Variants in UGT1A9 observed in about 807,000 individuals in gnomAD.
The protein encoded by UGT1A9 is UDP-glucuronosyltransferase 1A9.
A neutral mutation model predicts 45.0 loss-of-function variants in UGT1A9; 35 were observed. That is an observed-to-expected ratio of 0.78 (90% CI 0.59 to 1.03). The LOEUF (loss-of-function observed/expected upper bound fraction) is 1.03, where lower values mean the gene tolerates loss of function less well. Among genes scored for constraint, UGT1A9 ranks in the 50% least tolerant of loss-of-function variants. The pLI, the probability that UGT1A9 is intolerant of heterozygous loss-of-function variation, is 0.00. For missense variants in UGT1A9, 687 were observed against 666.6 expected, an observed-to-expected ratio of 1.03 and a Z score of -0.34; for synonymous variants, 278 against 250.6, an observed-to-expected ratio of 1.11 and a Z score of -1.03.
At position 233,767,872 on chromosome 2, in the gene UGT1A9, C is replaced by G. The variant is rs997427896; in HGVS notation, c.1011C>G (p.Thr337=). The G allele has an allele frequency of 2.5e-6, 4 of 1,614,024 alleles. No homozygotes were observed. The highest frequency in any genetic ancestry group is 3.4e-6 in the Non-Finnish European group (4 of 1,180,044). ...PQTVLWRYTG[T]RPSNLANNTI... is the part of the protein sequence containing the mutation. The stretch of plus-strand genomic sequence containing the variant: ...AGGTCCTGTGGCGGTACACTGGAAC[C>G]CGACCATCGAATCTTGCGAACAACA... Residue 337 remains threonine (T), a synonymous_variant, in exon 3 of 5, where the codon ACC becomes ACG. Coordinates refer to ENST00000354728, the MANE Select transcript of UGT1A9 (RefSeq NM_021027.3).
rs1384455680 is a variant in UGT1A9, at chr2:233,701,870, TA to T, written c.855+29084del. 2.0e-5 allele frequency among the ~76,000 whole-genome samples: 3 copies of T among 152,182 alleles called. No homozygotes were observed. The East Asian group carries it at 5.8e-4, about 29-fold the overall frequency. ...GTGTGTAGAGGGAAATTTATAGCAC[TA>T]AATGCCCACAAGAGAAAGCAGAAAA... On this transcript the variant is annotated intron_variant, in intron 1 of 4. Coordinates refer to ENST00000354728, the MANE Select transcript of UGT1A9 (RefSeq NM_021027.3).
At chr2:233,712,435 A>T (rs1228007796) in intron 1 of UGT1A9, among the ~76,000 whole-genome samples, 6 of 152,204 alleles carry the variant, frequency 3.9e-5, no homozygotes, top group Admixed American at 3.9e-4. Flanking sequence ...TCCTGGTGTG[A>T]AAAACGACCA....
intron 1 of UGT1A9, among the ~76,000 whole-genome samples, chr2:233,685,748 C>T (rs569511404): frequency 6.6e-6 from 1 of 152,214 alleles, no homozygotes; most frequent in African/African-American, 2.4e-5. Flanking sequence ...TTTTTTCTTC[C>T]ATTTTAAAGA....
At chr2:233,754,258 T>C in intron 1 of UGT1A9, 1 of 170,430 alleles carries the variant, frequency 5.9e-6, no homozygotes, top group Middle Eastern at 2.9e-3. Context: ...CGGAAAAAGG[T>C]AAGGCTCAAA....
At chr2:233,694,023 A>G (rs2075196025) in intron 1 of UGT1A9, among the ~76,000 whole-genome samples, 1 of 152,122 alleles carries the variant, frequency 6.6e-6, no homozygotes, top group African/African-American at 2.4e-5. Context: ...CACATAGGAG[A>G]CCTGAGGCTG....
intron 1 of UGT1A9, chr2:233,754,389 C>A: frequency 3.3e-6 from 1 of 302,106 alleles, no homozygotes; most frequent in Non-Finnish European, 6.5e-6. Context: ...AAACAGAGGT[C>A]CTATCCGTGC....
intron 4 of UGT1A9, chr2:233,770,332 T>C (rs1040470973): frequency 6.6e-6 from 1 of 152,102 alleles, no homozygotes; most frequent in Non-Finnish European, 1.5e-5. Context: ...CAGGCCATAA[T>C]AGGTGCTCAA....
In UGT1A9 at chr2:233,713,469, G is replaced by A. The variant is rs755500428; in HGVS notation, c.855+40680G>A. The A allele has an allele frequency of 2.5e-6, 4 of 1,614,076 alleles. No homozygotes were observed. The South Asian group carries it at 4.4e-5, about 18-fold the overall frequency. ...AGACCCCTTTCACCTCTGCGCGGCG[G>A]TGCTGGCTAAGTACCTGTCGATTCC... On this transcript the variant is annotated intron_variant, in intron 1 of 4. Transcript: ENST00000354728.
intron 1 of UGT1A9, among the ~76,000 whole-genome samples, chr2:233,712,244 G>T (rs184398589): frequency 2.0e-5 from 3 of 152,178 alleles, no homozygotes; most frequent in African/African-American, 7.2e-5. Context: ...TCTTTGCTAG[G>T]GTTGTCTTGC....
chr2:233,691,064 A>G, intron 1 of UGT1A9: 1 of 986,774 alleles, frequency 1.0e-6, no homozygotes, highest in Non-Finnish European at 1.2e-6. Context: ...GGTCTAGTAT[A>G]AAGAATGTGA....
Position 233,772,664 on chromosome 2 carries a change from C to G in UGT1A9, c.*105C>G, listed in dbSNP as rs1700540961. 1.9e-6 allele frequency: 3 copies of G among 1,539,532 alleles called. No individual in the cohort carries two copies. Among genetic ancestry groups the G allele is most frequent in the Non-Finnish European group, 2.6e-6 (3 of 1,144,204 alleles). ...TCATTTTATTCTTATTAAGGAAATA[C>G]TTTGCATAAATTAATCAGCCCCAGA... On this transcript the variant is annotated 3_prime_UTR_variant, in exon 5 of 5. Coordinates refer to ENST00000354728, the MANE Select transcript of UGT1A9 (RefSeq NM_021027.3).
intron 1 of UGT1A9, chr2:233,690,684 C>T (rs1252094224): frequency 1.9e-4 from 244 of 1,255,336 alleles, no homozygotes; most frequent in Non-Finnish European, 2.2e-4. Flanking sequence ...GGGTCTCCAG[C>T]GGAGCTACTC....
At chr2:233,715,882 C>G (rs576558461) in intron 1 of UGT1A9, among the ~76,000 whole-genome samples, 42 of 152,296 alleles carry the variant, frequency 2.8e-4, no homozygotes, top group African/African-American at 9.9e-4. Flanking sequence ...CCTGTGGCCC[C>G]AGCTACTTGG....
chr2:233,755,755 T>A (rs1696010342), intron 1 of UGT1A9: 1 of 152,982 alleles, frequency 6.5e-6, no homozygotes, highest in East Asian at 1.9e-4. Context: ...GGTGCCCATT[T>A]GCTTTTGTTC....
intron 1 of UGT1A9, chr2:233,719,816 T>A: frequency 6.3e-7 from 1 of 1,580,710 alleles, no homozygotes; most frequent in Non-Finnish European, 8.6e-7. Context: ...TTATAACAGA[T>A]AAACTGTTGA....
chr2:233,708,133 G>A (rs2076005675), intron 1 of UGT1A9, among the ~76,000 whole-genome samples: 1 of 152,218 alleles, frequency 6.6e-6, no homozygotes, highest in African/African-American at 2.4e-5. Context: ...CTGTGCTCCT[G>A]TGTGGGAGTT....
rs536726765 is a variant in UGT1A9, at chr2:233,724,607, C to T, written c.856-42427C>T. 5.2e-5 allele frequency among the ~76,000 whole-genome samples: 7 copies of T among 135,444 alleles called. 1 individual carries two copies. Among genetic ancestry groups the T allele is most frequent in the African/African-American group, 1.2e-4 (4 of 34,508 alleles). The allele number at this position is 135,444 out of a possible 152,430, so 88.9% of individuals were successfully genotyped here. On this transcript the variant is annotated intron_variant, in intron 1 of 4. Coordinates refer to ENST00000354728, the MANE Select transcript of UGT1A9 (RefSeq NM_021027.3). ...CCCCACATCTCAGACGATGGGCGGC[C>T]GGGCAGAGACGCTCCTCACTTCCTA...
intron 1 of UGT1A9, among the ~76,000 whole-genome samples, chr2:233,705,281 A>G (rs2075838525): frequency 6.6e-6 from 1 of 152,236 alleles, no homozygotes; most frequent in Non-Finnish European, 1.5e-5. Flanking sequence ...TTCAACCTGA[A>G]GAACTTCCTT....
chr2:233,758,584 G>A (rs1696918443), intron 1 of UGT1A9, among the ~76,000 whole-genome samples: 1 of 152,180 alleles, frequency 6.6e-6, no homozygotes. Context: ...AAGAGTGTTT[G>A]GGTGTGGGGA....
Sources: gnomAD v4.1 joint callset for allele counts (sites outside exome capture counted in the v4.1 genomes callset) on GRCh38, gnomAD v4.1.1 for gene constraint, MANE v1.5 for transcripts, NCBI Gene and HGNC (gene_info 2026-07-23, HGNC 2026-07-21) for gene names.